The following PRMT3 variants were observed in gnomAD, a reference collection of about 807,000 sequenced individuals.
PRMT3 encodes the protein protein arginine N-methyltransferase 3.
PRMT3 carries 62 observed loss-of-function variants against 71.9 expected under a neutral mutation model. The ratio of observed to expected loss-of-function variants is 0.86; its 90% CI spans 0.70 to 1.07. The LOEUF (loss-of-function observed/expected upper bound fraction) is 1.07, where lower values mean the gene tolerates loss of function less well. Among genes scored for constraint, PRMT3 ranks in the 50% least tolerant of loss-of-function variants. The pLI is 0.00. For synonymous variants in PRMT3, 213 were observed against 220.4 expected (o/e 0.97, Z 0.30); for missense variants, 663 against 643.0 (o/e 1.03, Z -0.34).
chr11:20,473,860 T>C (rs952534046), intron 13 of PRMT3, among the ~76,000 whole-genome samples: 5 of 151,914 alleles, frequency 3.3e-5, no homozygotes. Flanking sequence ...AGCATTTTTG[T>C]GTTGATCCTT....
chr11:20,507,033 G>T (rs1040666117), intron 15 of PRMT3, among the ~76,000 whole-genome samples: 2 of 152,144 alleles, frequency 1.3e-5, no homozygotes, highest in Non-Finnish European at 2.9e-5. Flanking sequence ...TTTGTCATGT[G>T]CCTCTACATT....
Position 20,493,016 on chromosome 11 carries a change from G to A in PRMT3, c.1348-903G>A, listed in dbSNP as rs767247539. Among the ~76,000 whole-genome samples the A allele has an allele frequency of 1.5e-4, 23 of 152,120 alleles. No individual in the cohort carries two copies. The East Asian group carries it at 2.3e-3, about 15-fold the overall frequency. On this transcript the variant is annotated intron_variant, in intron 13 of 15. Coordinates refer to ENST00000331079, the MANE Select transcript of PRMT3 (RefSeq NM_005788.4). ...AAATATAAAAGCCAGGTGTGGTGGC[G>A]CACGCCTGTGGTCCCATCTACTCAG...
At chr11:20,493,490 G>T (rs927123281) in intron 13 of PRMT3, among the ~76,000 whole-genome samples, 8 of 152,204 alleles carry the variant, frequency 5.3e-5, no homozygotes, top group African/African-American at 1.9e-4. Context: ...TAGTGCACTT[G>T]CTGGTCCTTC....
chr11:20,465,485 T>TGGG (rs998562529), intron 13 of PRMT3, among the ~76,000 whole-genome samples: 1 of 152,048 alleles, frequency 6.6e-6, no homozygotes, highest in African/African-American at 2.4e-5. Flanking sequence ...GTCTTCTGCC[T>TGGG]GATTCTTTTA....
Position 20,388,050 on chromosome 11 carries a change from C to T in PRMT3, c.60C>T (p.Asp20=), listed in dbSNP as rs144219974. The T allele has an allele frequency of 3.1e-6, 5 of 1,613,908 alleles. No homozygotes were observed. The African/African-American group carries it at 4.0e-5, about 13-fold the overall frequency. The change falls in exon 2 of 16, where the codon GAC becomes GAT. Residue 20 remains aspartate (D), a synonymous_variant. Transcript: ENST00000331079. ...GGRGAVENEE[D]LPELSDSGDE... is the part of the protein sequence containing the mutation. Reference sequence around the variant, plus strand: ...GGGGCGCTGTGGAGAATGAGGAGGACCTGCCAGAACTGTCGGACAGCGGGG... The same window carrying T: ...GGGGCGCTGTGGAGAATGAGGAGGATCTGCCAGAACTGTCGGACAGCGGGG...
At chr11:20,398,503 A>C (rs1196679474) in intron 7 of PRMT3, among the ~76,000 whole-genome samples, 1 of 152,086 alleles carries the variant, frequency 6.6e-6, no homozygotes, top group African/African-American at 2.4e-5. Flanking sequence ...CCCAGGCTGG[A>C]GTGCAGTGGT....
chr11:20,477,355 C>T (rs1217851424), intron 13 of PRMT3, among the ~76,000 whole-genome samples: 1 of 152,014 alleles, frequency 6.6e-6, no homozygotes, highest in Non-Finnish European at 1.5e-5. Flanking sequence ...GCGGGCAGAT[C>T]ACCTGAGGTC....
intron 9 of PRMT3, among the ~76,000 whole-genome samples, chr11:20,415,164 G>A (rs1020332896): frequency 6.6e-6 from 1 of 151,920 alleles, no homozygotes; most frequent in Non-Finnish European, 1.5e-5. Flanking sequence ...GTGAATTAAA[G>A]CCAAAGAGAA....
intron 7 of PRMT3, among the ~76,000 whole-genome samples, 180 bp downstream of exon 7, chr11:20,397,901 C>T (rs1848863166): frequency 6.6e-6 from 1 of 150,852 alleles, no homozygotes; most frequent in East Asian, 2.0e-4. Context: ...AGACTGGGCA[C>T]GGTGGCACAT....
chr11:20,507,862 T>C (rs1409494791), intron 15 of PRMT3, among the ~76,000 whole-genome samples: 1 of 151,008 alleles, frequency 6.6e-6, no homozygotes, highest in East Asian at 2.0e-4. Flanking sequence ...TTCCCAGCAC[T>C]TTGGGAGGCT....
At chr11:20,421,955 C>A (rs767750054) in intron 9 of PRMT3, among the ~76,000 whole-genome samples, 1 of 152,192 alleles carries the variant, frequency 6.6e-6, no homozygotes, top group African/African-American at 2.4e-5. Flanking sequence ...TATCTAAGTT[C>A]AGTTGCACTC....
intron 13 of PRMT3, among the ~76,000 whole-genome samples, chr11:20,486,118 A>G (rs1360551012): frequency 6.6e-6 from 1 of 152,250 alleles, no homozygotes; most frequent in African/African-American, 2.4e-5. Flanking sequence ...CATCTCTTAT[A>G]TGATTCCATT....
intron 7 of PRMT3, 41 bp from the exon 8 acceptor site, chr11:20,402,878 G>A: frequency 6.7e-7 from 1 of 1,492,010 alleles, no homozygotes; most frequent in South Asian, 1.1e-5. Flanking sequence ...TATTTGTTTA[G>A]ACTGTCCTAT....
chr11:20,447,060 T>C (rs1011593951), intron 10 of PRMT3, among the ~76,000 whole-genome samples: 4 of 152,270 alleles, frequency 2.6e-5, no homozygotes, highest in Admixed American at 1.3e-4. Flanking sequence ...TGGGGAATCA[T>C]TGAAAAAACT....
At chr11:20,405,343 T>C (rs1354373405) in intron 8 of PRMT3, 1 of 150,978 alleles carries the variant, frequency 6.6e-6, no homozygotes, top group East Asian at 1.9e-4. Context: ...AAAAAATGAA[T>C]CAAATTTCCT....
rs189922852 is a variant in PRMT3, at chr11:20,425,783, G to C, written c.894-983G>C. 8.4e-4 allele frequency among the ~76,000 whole-genome samples: 128 copies of C among 152,264 alleles called. No homozygotes were observed. In the Middle Eastern group the frequency reaches 0.017, roughly 20 times the overall value. On this transcript the variant is annotated intron_variant, in intron 9 of 15. Coordinates refer to ENST00000331079, the MANE Select transcript of PRMT3 (RefSeq NM_005788.4). ...TCTGGGATGGGCACTAATCTTTGGG[G>C]GAAGAGGAAATGTTCTATATATTGA... is the stretch of plus-strand genomic sequence containing the variant.
At chr11:20,485,536 A>C (rs977526277) in intron 13 of PRMT3, among the ~76,000 whole-genome samples, 2 of 152,236 alleles carry the variant, frequency 1.3e-5, no homozygotes, top group Non-Finnish European at 2.9e-5. Context: ...TTGAACAGAC[A>C]TTCTAAGACC....
chr11:20,491,142 G>A (rs927069710), intron 13 of PRMT3, among the ~76,000 whole-genome samples: 6 of 151,948 alleles, frequency 3.9e-5, no homozygotes, highest in South Asian at 4.2e-4. Flanking sequence ...TATTCAACCC[G>A]GAAGTTTCAG....
chr11:20,416,345 G>T (rs1002638727), intron 9 of PRMT3, among the ~76,000 whole-genome samples: 1 of 152,072 alleles, frequency 6.6e-6, no homozygotes, highest in African/African-American at 2.4e-5. Flanking sequence ...CAACATTTTG[G>T]TATATTTCTT....
Sources: gnomAD v4.1 joint callset for allele counts (sites outside exome capture counted in the v4.1 genomes callset) on GRCh38, gnomAD v4.1.1 for gene constraint, MANE v1.5 for transcripts, NCBI Gene and HGNC (gene_info 2026-07-23, HGNC 2026-07-21) for gene names.